CCNB3: variants seen among roughly 807,000 people sequenced by gnomAD.
The protein encoded by CCNB3 is cyclin B3.
Under a neutral mutation model 68.0 loss-of-function variants are expected in CCNB3, and 12 were observed. The observed-to-expected ratio is 0.18, with a 90% CI of 0.11 to 0.29. The LOEUF is 0.29. Among genes scored for constraint, CCNB3 ranks in the 10% least tolerant of loss-of-function variants. CCNB3 has a pLI of 1.00. For synonymous variants in CCNB3, 354 were observed against 388.9 expected (o/e 0.91, Z 1.06); for missense variants, 904 against 993.1 (o/e 0.91, Z 1.21).
intron 8 of CCNB3, among the ~76,000 whole-genome samples, chrX:50,328,511 G>A (rs1239779397): frequency 1.8e-5 from 2 of 111,511 alleles, no homozygotes; most frequent in African/African-American, 6.5e-5. Flanking sequence ...ACAGCACCAA[G>A]CCATGAGGGA....
intron 1 of CCNB3, among the ~76,000 whole-genome samples, chrX:50,214,599 AT>A (rs1935537702): frequency 1.1e-5 from 1 of 93,860 alleles, no homozygotes; most frequent in Admixed American, 1.3e-4. Context: ...TACAATATAT[AT>A]TTTATTAAAT....
chrX:50,336,328 T>C (rs1367227124), intron 8 of CCNB3, among the ~76,000 whole-genome samples: 3 of 111,703 alleles, frequency 2.7e-5, no homozygotes, highest in Non-Finnish European at 3.8e-5. Flanking sequence ...CCCTGTCCTT[T>C]TGGGGGAATT....
intron 9 of CCNB3, among the ~76,000 whole-genome samples, chrX:50,344,297 C>T (rs1248346455): frequency 8.9e-6 from 1 of 112,251 alleles, no homozygotes; most frequent in Non-Finnish European, 1.9e-5. Context: ...CTTAACATAT[C>T]CCTCTTGTTA....
intron 8 of CCNB3, among the ~76,000 whole-genome samples, chrX:50,328,112 A>G (rs140235190): frequency 5.1e-4 from 57 of 112,064 alleles, no homozygotes; most frequent in African/African-American, 1.8e-3. Context: ...AGCCTTGATG[A>G]CACCTTGATT....
chrX:50,226,396 T>C (rs1317265919), intron 1 of CCNB3, among the ~76,000 whole-genome samples: 1 of 56,459 alleles, frequency 1.8e-5, no homozygotes, highest in Non-Finnish European at 2.8e-5. Context: ...ATAGAATATA[T>C]ATAAAAATAT....
intron 5 of CCNB3, among the ~76,000 whole-genome samples, chrX:50,305,864 C>T (rs1236225931): frequency 9.8e-6 from 1 of 102,327 alleles, no homozygotes; most frequent in Non-Finnish European, 2.0e-5. Flanking sequence ...CTAACCTCCA[C>T]CTCCCAGGTT....
At chrX:50,227,407 TAC>T (rs1415725653) in intron 1 of CCNB3, among the ~76,000 whole-genome samples, 12 of 87,244 alleles carry the variant, frequency 1.4e-4, no homozygotes, top group Non-Finnish European at 2.6e-4. Context: ...TAAAAATATA[TAC>T]AGAGAATATT....
rs1367612085 is a variant in CCNB3 at position 50,314,094 on chromosome X, G to A, written c.3516+146G>A. 7.0e-6 allele frequency: 3 copies of A among 425,628 alleles called. No homozygotes were observed. The African/African-American group carries it at 7.4e-5, about 11-fold the overall frequency. 35.1% of individuals were successfully genotyped at this position (425,628 alleles called of 1,213,427 possible). A position where few individuals can be genotyped will look rare whatever the true frequency, so the allele number is the denominator to read the frequency against. On this transcript the variant is annotated intron_variant, in intron 8 of 12. Coordinates refer to ENST00000376042, the MANE Select transcript of CCNB3 (RefSeq NM_033031.3). ...CCTCAAGGAGCTCATGATTTAGGAG[G>A]CAAGATAAGATATGCAGACAAATAA...
intron 8 of CCNB3, among the ~76,000 whole-genome samples, chrX:50,323,408 G>T (rs1236424847): frequency 1.0e-5 from 1 of 99,995 alleles, no homozygotes; most frequent in Admixed American, 1.1e-4. Context: ...CACACACTGG[G>T]GCCTGTTGTG....
In CCNB3 at chrX:50,296,335, G is replaced by C. The variant is rs1488291289; in HGVS notation, c.335+1342G>C. 3.5e-4 allele frequency among the ~76,000 whole-genome samples: 27 copies of C among 76,185 alleles called. 1 individual carries two copies. The highest frequency in any genetic ancestry group is 1.1e-3 in the Admixed American group (7 of 6,137). 66.2% of individuals were successfully genotyped at this position (76,185 alleles called of 115,157 possible). ...GATGTTCCCCTTCCTGTGTCCATGT[G>C]TTCTCATTGTTCAATTCCCACCTAT... On this transcript the variant is annotated intron_variant, in intron 5 of 12. Transcript: ENST00000376042.
chrX:50,319,578 T>C (rs1557216284), intron 8 of CCNB3, among the ~76,000 whole-genome samples: 2 of 111,163 alleles, frequency 1.8e-5, no homozygotes, highest in African/African-American at 6.5e-5. Context: ...TTTCTTCCTT[T>C]CTAATCTCCA....
chrX:50,330,104 G>A (rs1569543309), intron 8 of CCNB3, among the ~76,000 whole-genome samples: 2 of 111,188 alleles, frequency 1.8e-5, no homozygotes, highest in South Asian at 3.9e-4. Flanking sequence ...TCCAAAAACC[G>A]AGCTCCCTGA....
intron 8 of CCNB3, among the ~76,000 whole-genome samples, chrX:50,331,465 C>A (rs1922592015): frequency 8.9e-6 from 1 of 111,796 alleles, no homozygotes; most frequent in Non-Finnish European, 1.9e-5. Flanking sequence ...TGAGTGAATT[C>A]TTTTCCCTCT....
chrX:50,217,640 T>A (rs940328780), intron 1 of CCNB3, among the ~76,000 whole-genome samples: 25 of 111,512 alleles, frequency 2.2e-4, no homozygotes, highest in African/African-American at 7.2e-4. Flanking sequence ...CTGTTTTCTT[T>A]TAGTTTTTGG....
At chrX:50,323,278 A>T (rs1273885922) in intron 8 of CCNB3, among the ~76,000 whole-genome samples, 1 of 111,056 alleles carries the variant, frequency 9.0e-6, no homozygotes, top group African/African-American at 3.3e-5. Flanking sequence ...AGGGACATGG[A>T]TGAAGCTGGA....
rs1557214711 is a variant in CCNB3, at chrX:50,310,766, C to T, written c.2597C>T (p.Pro866Leu). Residue 866 changes from proline (P) to leucine (L), a missense_variant, in exon 6 of 13, where the codon CCC becomes CTC. Physicochemically the swap from Pro to Leu is moderately conservative, Grantham distance 98. Transcript: ENST00000376042. ...FKETLALQEK[P>L]SIEQEALFKR... is the part of the protein sequence containing the mutation. Reference sequence around the variant, plus strand: ...GAAACTTTGGCCTTGCAGGAGAAGCCCAGCATTGAGCAGGAGGCCCTCTTT... The same window carrying T: ...GAAACTTTGGCCTTGCAGGAGAAGCTCAGCATTGAGCAGGAGGCCCTCTTT... 1 of 1,211,206 alleles carries T rather than the reference C, an allele frequency of 8.3e-7. No homozygotes were observed.
At chrX:50,342,405 A>G (rs1167521922) in intron 9 of CCNB3, 66 bp downstream of exon 9, 6 of 969,262 alleles carry the variant, frequency 6.2e-6, no homozygotes, top group Non-Finnish European at 8.4e-6. Context: ...GAATGAATAT[A>G]TATTCATATA....
intron 8 of CCNB3, among the ~76,000 whole-genome samples, chrX:50,317,504 C>A (rs1921781787): frequency 9.3e-6 from 1 of 108,064 alleles, no homozygotes; most frequent in Non-Finnish European, 1.9e-5. Flanking sequence ...AATATTCTGT[C>A]TCTCTCTCTC....
intron 5 of CCNB3, among the ~76,000 whole-genome samples, chrX:50,307,762 T>C (rs1468346445): frequency 9.0e-6 from 1 of 111,179 alleles, no homozygotes; most frequent in Non-Finnish European, 1.9e-5. Flanking sequence ...GGTATGTCCA[T>C]TTTGCATATT....
Sources: allele counts gnomAD v4.1 joint callset (sites outside exome capture counted in the v4.1 genomes callset), GRCh38; gene constraint gnomAD v4.1.1; transcripts MANE v1.5; gene names NCBI Gene and HGNC (gene_info 2026-07-23, HGNC 2026-07-21).